LRRC4C: variants seen among roughly 807,000 people sequenced by gnomAD.
LRRC4C encodes leucine-rich repeat-containing protein 4C.
LRRC4C carries 5 observed loss-of-function variants against 33.6 expected under a neutral mutation model. The ratio of observed to expected loss-of-function variants is 0.15; its 90% CI spans 0.08 to 0.31. LRRC4C has a LOEUF of 0.31. LRRC4C is among the 10% of genes least tolerant of loss of function. The pLI is 1.00. For synonymous variants in LRRC4C, 329 were observed against 302.0 expected (o/e 1.09, Z -0.93); for missense variants, 560 against 796.7 (o/e 0.70, Z 3.58).
At chr11:40,331,297 C>T (rs1946352792) in intron 3 of LRRC4C, among the ~76,000 whole-genome samples, 1 of 152,262 alleles carries the variant, frequency 6.6e-6, no homozygotes, top group Non-Finnish European at 1.5e-5. Context: ...CAAAGCTAAT[C>T]AAATATAATC....
intron 1 of LRRC4C, among the ~76,000 whole-genome samples, chr11:41,122,234 A>C (rs72892627): frequency 6.6e-6 from 1 of 152,268 alleles, no homozygotes; most frequent in Non-Finnish European, 1.5e-5. Flanking sequence ...GTAACAGTTT[A>C]ACTCTTCAAA....
At chr11:41,342,025 C>T (rs1951657069) in intron 1 of LRRC4C, among the ~76,000 whole-genome samples, 1 of 152,174 alleles carries the variant, frequency 6.6e-6, no homozygotes, top group South Asian at 2.1e-4. Context: ...AACCTCACCC[C>T]TGGTTTCTCA....
At chr11:40,851,162 C>A (rs1036856441) in intron 2 of LRRC4C, among the ~76,000 whole-genome samples, 7 of 151,650 alleles carry the variant, frequency 4.6e-5, no homozygotes, top group Non-Finnish European at 1.0e-4. Flanking sequence ...GCTTTCCAGG[C>A]GTCACTGGGG....
intron 3 of LRRC4C, among the ~76,000 whole-genome samples, chr11:40,397,784 A>C (rs1330325763): frequency 1.3e-5 from 2 of 152,262 alleles, no homozygotes; most frequent in African/African-American, 4.8e-5. Context: ...AATGTCAGAC[A>C]AGTCAGACAG....
rs181705671 is a variant in LRRC4C, at chr11:41,111,093, C to T, written c.-495-177370G>A. ...GATTGATGTTTTAACTCATGTAAGC[C>T]ACTAATAGATGAGAAAGGCATTATT... On this transcript the variant is annotated intron_variant, in intron 1 of 6. Coordinates refer to ENST00000528697, the MANE Select transcript of LRRC4C (RefSeq NM_001258419.2). Among the ~76,000 whole-genome samples the T allele has an allele frequency of 3.9e-3, 592 of 152,054 alleles. 4 individuals carry two copies. Among genetic ancestry groups the T allele is most frequent in the South Asian group, 0.029 (139 of 4,820 alleles).
At chr11:41,204,307 C>G (rs1428646972) in intron 1 of LRRC4C, among the ~76,000 whole-genome samples, 2 of 152,198 alleles carry the variant, frequency 1.3e-5, no homozygotes, top group Non-Finnish European at 2.9e-5. Flanking sequence ...CAGCTTGGCA[C>G]CAGCCTACTG....
Position 40,556,540 on chromosome 11 carries a change from T to C in LRRC4C, c.-270+91602A>G, listed in dbSNP as rs77695795. ...AAAGTAGGTCTTCTACATATCTCAA[T>C]AGGCTCTGCAGTCCAACTGATCCTC... On this transcript the variant is annotated intron_variant, in intron 3 of 6. Coordinates refer to ENST00000528697, the MANE Select transcript of LRRC4C (RefSeq NM_001258419.2). 4.5e-3 allele frequency among the ~76,000 whole-genome samples: 682 copies of C among 152,322 alleles called. 6 individuals are homozygous for C. The highest frequency in any genetic ancestry group is 7.8e-3 in the Non-Finnish European group (529 of 68,014).
chr11:40,586,347 T>G (rs527911230), intron 3 of LRRC4C, among the ~76,000 whole-genome samples: 37,239 of 142,494 alleles, frequency 0.26, 4,972 homozygotes, highest in Middle Eastern at 0.35. Flanking sequence ...TAAATTTGTT[T>G]GAGTTCATTG....
At chr11:40,489,192 C>T (rs921668403) in intron 3 of LRRC4C, among the ~76,000 whole-genome samples, 2 of 152,062 alleles carry the variant, frequency 1.3e-5, no homozygotes, top group Non-Finnish European at 2.9e-5. Flanking sequence ...ACCCATATCA[C>T]GTACAGACTT....
At chr11:41,183,026 C>T (rs1035450174) in intron 1 of LRRC4C, among the ~76,000 whole-genome samples, 1 of 151,994 alleles carries the variant, frequency 6.6e-6, no homozygotes, top group African/African-American at 2.4e-5. Context: ...CATGAGACTT[C>T]TTCACTATCA....
At chr11:41,322,039 A>G (rs758554313) in intron 1 of LRRC4C, among the ~76,000 whole-genome samples, 1 of 151,742 alleles carries the variant, frequency 6.6e-6, no homozygotes, top group Non-Finnish European at 1.5e-5. Context: ...TAATTTTTCT[A>G]TTTTTAGTAG....
At chr11:41,237,760 CG>C (rs1422257035) in intron 1 of LRRC4C, among the ~76,000 whole-genome samples, 1 of 152,038 alleles carries the variant, frequency 6.6e-6, no homozygotes, top group Non-Finnish European at 1.5e-5. Flanking sequence ...TTCTAGATCC[CG>C]GTAGAGTGTC....
At chr11:41,081,464 G>A (rs888980465) in intron 1 of LRRC4C, among the ~76,000 whole-genome samples, 5 of 152,152 alleles carry the variant, frequency 3.3e-5, no homozygotes, top group African/African-American at 1.2e-4. Flanking sequence ...ATTACTACTT[G>A]CTGGCTTCAA....
intron 3 of LRRC4C, among the ~76,000 whole-genome samples, chr11:40,493,532 T>G (rs1444501221): frequency 6.6e-6 from 1 of 152,126 alleles, no homozygotes; most frequent in East Asian, 1.9e-4. Context: ...GTAGGGAGCT[T>G]CTCAGAATGA....
chr11:40,908,429 G>T (rs1372488567), intron 2 of LRRC4C, among the ~76,000 whole-genome samples: 1 of 152,082 alleles, frequency 6.6e-6, no homozygotes, highest in Non-Finnish European at 1.5e-5. Flanking sequence ...AACAAGGACT[G>T]ATAAGCTTTA....
intron 3 of LRRC4C, among the ~76,000 whole-genome samples, chr11:40,447,551 TA>T (rs1951694550): frequency 1.3e-5 from 2 of 152,200 alleles, no homozygotes; most frequent in African/African-American, 4.8e-5. Flanking sequence ...ATTAAGACAA[TA>T]AAAAATAATT....
At chr11:40,911,361 G>A (rs542632795) in intron 2 of LRRC4C, among the ~76,000 whole-genome samples, 58 of 152,236 alleles carry the variant, frequency 3.8e-4, no homozygotes, top group Admixed American at 1.2e-3. Flanking sequence ...CCAGAGGAAC[G>A]ATCAGGCAGC....
intron 4 of LRRC4C, among the ~76,000 whole-genome samples, chr11:40,300,108 G>C (rs540229701): frequency 6.6e-6 from 1 of 152,244 alleles, no homozygotes; most frequent in South Asian, 2.1e-4. Context: ...GAGTAAGAGA[G>C]AGAGAAAGGG....
At chr11:40,189,939 T>C (rs1771909887) in intron 5 of LRRC4C, among the ~76,000 whole-genome samples, 1 of 152,198 alleles carries the variant, frequency 6.6e-6, no homozygotes, top group Admixed American at 6.5e-5. Flanking sequence ...GAACTGCCTA[T>C]AGTTACTCAA....
Sources: gnomAD v4.1 joint callset for allele counts (sites outside exome capture counted in the v4.1 genomes callset) on GRCh38, gnomAD v4.1.1 for gene constraint, MANE v1.5 for transcripts, NCBI Gene and HGNC (gene_info 2026-07-23, HGNC 2026-07-21) for gene names.